Variants in PHACTR1 observed in about 807,000 individuals in gnomAD.
The protein encoded by PHACTR1 is phosphatase and actin regulator 1.
PHACTR1 carries 16 observed loss-of-function variants against 69.2 expected under a neutral mutation model. That is an observed-to-expected ratio of 0.23 (90% CI 0.16 to 0.35). The LOEUF (loss-of-function observed/expected upper bound fraction) is 0.35, where lower values mean the gene tolerates loss of function less well. PHACTR1 is among the 10% of genes least tolerant of loss of function. The pLI, the probability that PHACTR1 is intolerant of heterozygous loss-of-function variation, is 1.00. For synonymous variants in PHACTR1, 312 were observed against 284.5 expected (o/e 1.10, Z -0.97); for missense variants, 510 against 734.7 (o/e 0.69, Z 3.54).
At chr6:13,273,106 C>G in intron 11 of PHACTR1, 191 bp downstream of exon 11, 1 of 737,788 alleles carries the variant, frequency 1.4e-6, no homozygotes, top group Non-Finnish European at 2.1e-6. Flanking sequence ...AATTTTATTC[C>G]ACTTTATTCT....
chr6:13,187,290 A>T (rs1052884545), intron 7 of PHACTR1, among the ~76,000 whole-genome samples: 15 of 152,232 alleles, frequency 9.9e-5, no homozygotes, highest in Non-Finnish European at 1.6e-4. Flanking sequence ...AACTACTGTT[A>T]GCAGTAACAC....
At chr6:12,849,731 C>T (rs959902518) in intron 4 of PHACTR1, among the ~76,000 whole-genome samples, 3 of 152,136 alleles carry the variant, frequency 2.0e-5, no homozygotes, top group Non-Finnish European at 4.4e-5. Context: ...TCCCGTCCCC[C>T]AGATAATGAA....
At chr6:13,199,383 C>CAAAAA (rs59070503) in intron 7 of PHACTR1, among the ~76,000 whole-genome samples, 1 of 78,252 alleles carries the variant, frequency 1.3e-5, no homozygotes, top group African/African-American at 6.1e-5. Flanking sequence ...GAGTCCATCT[C>CAAAAA]AAAAAAAAAA....
intron 4 of PHACTR1, among the ~76,000 whole-genome samples, chr6:12,965,492 G>C (rs1477128961): frequency 5.9e-5 from 8 of 134,642 alleles, no homozygotes; most frequent in Non-Finnish European, 1.3e-4. Context: ...TTTTGTTGGT[G>C]GTTTTGCTGT....
intron 3 of PHACTR1, among the ~76,000 whole-genome samples, chr6:12,734,443 G>A (rs1429771606): frequency 6.6e-6 from 1 of 152,022 alleles, no homozygotes; most frequent in Non-Finnish European, 1.5e-5. Flanking sequence ...CCCAACTTGT[G>A]GGTACTATGT....
intron 4 of PHACTR1, among the ~76,000 whole-genome samples, chr6:12,829,198 T>C (rs1777140982): frequency 6.6e-6 from 1 of 152,178 alleles, no homozygotes; most frequent in Admixed American, 6.5e-5. Context: ...GGGGAGTTAT[T>C]ATCACAGCAA....
Position 13,246,775 on chromosome 6 carries a change from TG to T in PHACTR1, c.1391+16583del, listed in dbSNP as rs1211357507. On this transcript the variant is annotated intron_variant, in intron 10 of 14. Transcript: ENST00000332995. The surrounding 1 kb of genome is among the most constrained non-coding windows in gnomAD (Gnocchi z 4.2). ...AGAACGAGATTACAACTGAGAAATT[TG>T]CAGTACAGTTGTTCTTCACGTGTCC... Among the ~76,000 whole-genome samples the T allele has an allele frequency of 2.6e-5, 4 of 152,242 alleles. No homozygotes were observed. The highest frequency in any genetic ancestry group is 9.6e-5 in the African/African-American group (4 of 41,468).
At chr6:12,981,463 T>C (rs532720099) in intron 4 of PHACTR1, among the ~76,000 whole-genome samples, 2 of 152,348 alleles carry the variant, frequency 1.3e-5, no homozygotes, top group Non-Finnish European at 2.9e-5. Flanking sequence ...TTTCTCCTAT[T>C]AGAATGTGAA....
chr6:13,024,246 A>G (rs533188187), intron 4 of PHACTR1, among the ~76,000 whole-genome samples: 1 of 152,306 alleles, frequency 6.6e-6, no homozygotes, highest in African/African-American at 2.4e-5. Flanking sequence ...CTGCTGCACA[A>G]TTAGGGACCA....
At chr6:13,271,127 G>C (rs1228766402) in intron 10 of PHACTR1, among the ~76,000 whole-genome samples, 1 of 151,670 alleles carries the variant, frequency 6.6e-6, no homozygotes, top group Admixed American at 6.6e-5. Flanking sequence ...TCCTGCCTCA[G>C]CCTCCCAAGT....
chr6:12,986,199 G>A (rs1427077063), intron 4 of PHACTR1, among the ~76,000 whole-genome samples: 1 of 152,162 alleles, frequency 6.6e-6, no homozygotes, highest in Non-Finnish European at 1.5e-5. Flanking sequence ...CAGGAGCAGG[G>A]GTGGGTAGAG....
intron 4 of PHACTR1, among the ~76,000 whole-genome samples, chr6:12,851,457 G>A (rs1268701531): frequency 2.0e-5 from 3 of 152,190 alleles, no homozygotes; most frequent in Non-Finnish European, 2.9e-5. Context: ...TCAGCCAACA[G>A]CCTACAGATT....
rs547536954 is a variant in PHACTR1, at chr6:12,820,382, A to G, written c.250+70592A>G. ...TTTTTAGTAGAGACAGGGTTTCACC[A>G]TGTTAACCAGGATGGTCTCAATCTC... On this transcript the variant is annotated intron_variant, in intron 4 of 14. Coordinates refer to ENST00000332995, the MANE Select transcript of PHACTR1 (RefSeq NM_030948.6). Among the ~76,000 whole-genome samples, 126 of 152,210 alleles carry G rather than the reference A, an allele frequency of 8.3e-4. 1 individual carries two copies. Among genetic ancestry groups the G allele is most frequent in the Middle Eastern group, 3.4e-3 (1 of 292 alleles).
rs1382332230 is a variant in PHACTR1 at position 13,184,672 on chromosome 6, G to A, written c.664+1986G>A. Reference sequence around the variant, plus strand: ...CCTCGCTGTAGCTCTCTACACATGCGTGGCGGCCTGAAGCATCGGTGCTCC... The same window carrying A: ...CCTCGCTGTAGCTCTCTACACATGCATGGCGGCCTGAAGCATCGGTGCTCC... On this transcript the variant is annotated intron_variant, in intron 7 of 14. Coordinates refer to ENST00000332995, the MANE Select transcript of PHACTR1 (RefSeq NM_030948.6). 3.2e-5 allele frequency: 20 copies of A among 616,898 alleles called. No homozygotes were observed. In the Admixed American group the frequency reaches 3.4e-4, roughly 11 times the overall value. 38.2% of individuals were successfully genotyped at this position (616,898 alleles called of 1,614,324 possible). A position where few individuals can be genotyped will look rare whatever the true frequency, so the allele number is the denominator to read the frequency against.
In PHACTR1 at chr6:13,228,150, C is replaced by T; in HGVS notation, c.1234+87C>T. Reference sequence around the variant, plus strand: ...AGAGTGGACCCAGCAGCCCAGCAGTCTGGGTTCTAATCCCTGCTCTGGTGT... The same window carrying T: ...AGAGTGGACCCAGCAGCCCAGCAGTTTGGGTTCTAATCCCTGCTCTGGTGT... On this transcript the variant is annotated intron_variant, in intron 9 of 14. Coordinates refer to ENST00000332995, the MANE Select transcript of PHACTR1 (RefSeq NM_030948.6). 2.7e-6 allele frequency: 4 copies of T among 1,483,270 alleles called. No homozygotes were observed. The South Asian group carries it at 5.3e-5, about 19-fold the overall frequency. The allele number at this position is 1,483,270 out of a possible 1,614,324, so 91.9% of individuals were successfully genotyped here. A position where few individuals can be genotyped will look rare whatever the true frequency, so the allele number is the denominator to read the frequency against.
intron 4 of PHACTR1, among the ~76,000 whole-genome samples, chr6:12,890,859 T>A (rs564307812): frequency 3.3e-5 from 5 of 152,348 alleles, no homozygotes; most frequent in South Asian, 2.1e-4. Context: ...ATTTGCCTAT[T>A]ATATTTACTG....
intron 4 of PHACTR1, among the ~76,000 whole-genome samples, chr6:13,005,301 C>G (rs529981455): frequency 1.1e-4 from 16 of 151,874 alleles, no homozygotes; most frequent in Non-Finnish European, 1.8e-4. Flanking sequence ...TATACTGTCT[C>G]TATACATACA....
chr6:13,214,039 T>C (rs1767290037), intron 8 of PHACTR1: 1 of 152,182 alleles, frequency 6.6e-6, no homozygotes, highest in Non-Finnish European at 1.5e-5. Context: ...GTCTCAATTA[T>C]AGAAACAGGC....
At chr6:13,034,023 CTTT>C (rs9331376) in intron 4 of PHACTR1, among the ~76,000 whole-genome samples, 15 of 149,044 alleles carry the variant, frequency 1.0e-4, no homozygotes, top group African/African-American at 2.0e-4. Context: ...TTTCTTTTTT[CTTT>C]TTTTTTTTTG....
Sources: gnomAD v4.1 joint callset for allele counts (sites outside exome capture counted in the v4.1 genomes callset) on GRCh38, gnomAD v4.1.1 for gene constraint, Gnocchi (gnomAD v3.1) non-coding constraint, MANE v1.5 for transcripts, NCBI Gene and HGNC (gene_info 2026-07-23, HGNC 2026-07-21) for gene names.